Variants in TOGARAM2 observed in about 807,000 individuals in gnomAD.
The protein encoded by TOGARAM2 is TOG array regulator of axonemal microtubules protein 2.
TOGARAM2 carries 85 observed loss-of-function variants against 93.3 expected under a neutral mutation model. The observed-to-expected ratio is 0.91, with a 90% CI of 0.76 to 1.09. TOGARAM2 has a LOEUF of 1.09. TOGARAM2 is among the 50% of genes least tolerant of loss of function. The pLI, the probability that TOGARAM2 is intolerant of heterozygous loss-of-function variation, is 0.00. For missense variants in TOGARAM2, 1,277 were observed against 1,334.5 expected (o/e 0.96, Z 0.67); for synonymous variants, 593 against 552.8 (o/e 1.07, Z -1.02).
At chr2:29,006,269 GTA>G (rs1372928830) in intron 6 of TOGARAM2, among the ~76,000 whole-genome samples, 6 of 147,972 alleles carry the variant, frequency 4.1e-5, no homozygotes, top group African/African-American at 1.3e-4. Flanking sequence ...TGTGTGGAGT[GTA>G]TATGTGTGCA....
chr2:28,978,332 G>A (rs1031670269), upstream of TOGARAM2, among the ~76,000 whole-genome samples: 2 of 152,176 alleles, frequency 1.3e-5, no homozygotes, highest in Admixed American at 6.5e-5. Context: ...AAGGGGAGAA[G>A]ACCCCTCAGT....
At chr2:28,977,911 G>C (rs200208998), upstream of TOGARAM2, among the ~76,000 whole-genome samples, 1 of 151,412 alleles carries the variant, frequency 6.6e-6, no homozygotes, top group Non-Finnish European at 1.5e-5. Flanking sequence ...TTTTTTTTTG[G>C]TTGTTTTTGT....
At chr2:29,012,347 C>G (rs762466927) in intron 7 of TOGARAM2, among the ~76,000 whole-genome samples, 1 of 152,306 alleles carries the variant, frequency 6.6e-6, no homozygotes, top group African/African-American at 2.4e-5. Context: ...GTGGCTGTTG[C>G]CCAAGAGGCC....
chr2:28,959,606 A>T (rs1671774340), intron 1 of TOGARAM2, among the ~76,000 whole-genome samples: 2 of 152,142 alleles, frequency 1.3e-5, no homozygotes, highest in South Asian at 4.1e-4. Flanking sequence ...ACAAAAAATT[A>T]GCCGGGCGTA....
At chr2:29,010,638 A>C (rs1271065057) in intron 6 of TOGARAM2, among the ~76,000 whole-genome samples, 1 of 151,992 alleles carries the variant, frequency 6.6e-6, no homozygotes, top group African/African-American at 2.4e-5. Context: ...TTACTCTGTC[A>C]GCCCCCCAGT....
upstream of TOGARAM2, among the ~76,000 whole-genome samples, chr2:28,976,373 A>C (rs55650865): frequency 0.22 from 33,995 of 151,896 alleles, 3,952 homozygotes; most frequent in East Asian, 0.36. Flanking sequence ...TCCATCTCAA[A>C]AACAACAACA....
intron 1 of TOGARAM2, among the ~76,000 whole-genome samples, chr2:28,976,016 A>C (rs913636575): frequency 3.9e-5 from 6 of 152,196 alleles, no homozygotes; most frequent in Non-Finnish European, 7.3e-5. Flanking sequence ...ATTTTTACAA[A>C]GTGGAAGTTT....
At chr2:29,051,675 A>G (rs1667076081) in intron 19 of TOGARAM2, 81 bp from the exon 20 acceptor site, 1 of 1,229,146 alleles carries the variant, frequency 8.1e-7, no homozygotes, top group Admixed American at 3.1e-5. Context: ...CCTTTGGGGG[A>G]CAAAGTTGGT....
At chr2:29,022,334 T>C in intron 11 of TOGARAM2, 26 bp downstream of exon 11, 1 of 1,612,858 alleles carries the variant, frequency 6.2e-7, no homozygotes, top group Non-Finnish European at 8.5e-7. Flanking sequence ...CACCACGTGC[T>C]GTGTTCTGGC....
rs1191115643 is a variant in TOGARAM2, at chr2:28,999,590, G to A, written c.427+122G>A. 19 of 1,145,568 alleles carry A rather than the reference G, an allele frequency of 1.7e-5. No individual in the cohort carries two copies. The African/African-American group carries it at 1.9e-4, about 11-fold the overall frequency. The allele number at this position is 1,145,568 out of a possible 1,614,324, so 71.0% of individuals were successfully genotyped here. A position where few individuals can be genotyped will look rare whatever the true frequency, so the allele number is the denominator to read the frequency against. On this transcript the variant is annotated intron_variant, in intron 4 of 19. Coordinates refer to ENST00000379558, the MANE Select transcript of TOGARAM2 (RefSeq NM_199280.4). ...ATGCTGGGATGCCCTGGGGGTGATC[G>A]GTGGGTACATACCAGGTACCTTCTC...
At chr2:28,983,215 TTTTTTTTTTTTGTAGAGATGGG>T in intron 1 of TOGARAM2, among the ~76,000 whole-genome samples, 1 of 125,014 alleles carries the variant, frequency 8.0e-6, no homozygotes, top group South Asian at 2.5e-4. Context: ...TTTTTTTTTT[TTTTTTTTTTTTGTAGAGATGGG>T]TTTTTTCCAT....
intron 1 of TOGARAM2, among the ~76,000 whole-genome samples, chr2:28,992,949 A>G (rs780475230): frequency 6.6e-6 from 1 of 152,018 alleles, no homozygotes; most frequent in Non-Finnish European, 1.5e-5. Context: ...AATCCCAGCT[A>G]CTTGGGAGGC....
chr2:28,982,261 C>A (rs1040097698), intron 1 of TOGARAM2, among the ~76,000 whole-genome samples: 1 of 152,148 alleles, frequency 6.6e-6, no homozygotes, highest in Non-Finnish European at 1.5e-5. Flanking sequence ...ATTTCAGTCT[C>A]CTGAAACTAA....
chr2:29,010,742 A>G (rs1466465081), intron 6 of TOGARAM2, among the ~76,000 whole-genome samples: 1 of 151,984 alleles, frequency 6.6e-6, no homozygotes, highest in Admixed American at 6.6e-5. Flanking sequence ...GGGGAGTGTC[A>G]TGTCTTATTG....
At chr2:29,009,877 G>T (rs1333297283) in intron 6 of TOGARAM2, among the ~76,000 whole-genome samples, 1 of 152,158 alleles carries the variant, frequency 6.6e-6, no homozygotes, top group African/African-American at 2.4e-5. Flanking sequence ...GTGCAGGAAG[G>T]CAGGGGCCCT....
At chr2:29,016,551 A>C (rs1251518426) in intron 8 of TOGARAM2, among the ~76,000 whole-genome samples, 1 of 152,236 alleles carries the variant, frequency 6.6e-6, no homozygotes, top group East Asian at 1.9e-4. Flanking sequence ...ATTATAAAAA[A>C]CAACACTTAG....
intron 7 of TOGARAM2, 24 bp from the exon 8 acceptor site, chr2:29,014,371 C>G (rs759965165): frequency 6.2e-7 from 1 of 1,606,232 alleles, no homozygotes; most frequent in South Asian, 1.1e-5. Context: ...GTCTTCAGCT[C>G]CACCCCTGTT....
chr2:29,019,621 T>C (rs1664808393), intron 10 of TOGARAM2, among the ~76,000 whole-genome samples: 1 of 152,200 alleles, frequency 6.6e-6, no homozygotes, highest in African/African-American at 2.4e-5. Flanking sequence ...TAGTCTGTTG[T>C]CCCTCTTTAT....
chr2:29,021,818 A>G (rs1416241980), intron 10 of TOGARAM2, among the ~76,000 whole-genome samples: 1 of 152,198 alleles, frequency 6.6e-6, no homozygotes, highest in Non-Finnish European at 1.5e-5. Context: ...CCACCCCACC[A>G]CAGATGGGGC....
Sources: allele counts gnomAD v4.1 joint callset (sites outside exome capture counted in the v4.1 genomes callset), GRCh38; gene constraint gnomAD v4.1.1; transcripts MANE v1.5; gene names NCBI Gene and HGNC (gene_info 2026-07-23, HGNC 2026-07-21).